The following LGR6 variants were observed in gnomAD, a reference collection of about 807,000 sequenced individuals.
The protein encoded by LGR6 is leucine-rich repeat-containing G protein-coupled receptor 6.
LGR6 carries 45 observed loss-of-function variants against 69.4 expected under a neutral mutation model. That is an observed-to-expected ratio of 0.65 (90% CI 0.51 to 0.83). LGR6 has a LOEUF of 0.83. LGR6 is among the 40% of genes least tolerant of loss of function. The pLI is 0.00. For missense variants in LGR6, 1,108 were observed against 1,246.7 expected, an observed-to-expected ratio of 0.89 and a Z score of 1.68; for synonymous variants, 538 against 555.0, an observed-to-expected ratio of 0.97 and a Z score of 0.43.
intron 4 of LGR6, among the ~76,000 whole-genome samples, chr1:202,263,195 G>A (rs769860222): frequency 1.4e-4 from 22 of 151,778 alleles, no homozygotes; most frequent in Non-Finnish European, 2.8e-4. Flanking sequence ...CGATCTTGGC[G>A]CACTGCAACC....
chr1:202,298,622 A>C (rs1667348334), intron 7 of LGR6: 1 of 152,138 alleles, frequency 6.6e-6, no homozygotes, highest in Non-Finnish European at 1.5e-5. Flanking sequence ...CACAGGTTCA[A>C]GCGATTCTCC....
chr1:202,299,453 C>G (rs900819602), intron 7 of LGR6, among the ~76,000 whole-genome samples: 1 of 151,846 alleles, frequency 6.6e-6, no homozygotes, highest in Admixed American at 6.6e-5. Context: ...TAGGGAAGAG[C>G]GAGGAGACCT....
intron 2 of LGR6, 127 bp downstream of exon 2, chr1:202,225,621 C>T (rs1660485933): frequency 1.4e-6 from 1 of 736,916 alleles, no homozygotes; most frequent in Admixed American, 2.6e-5. Flanking sequence ...CAGTTCTTGA[C>T]AGCAGGGTGT....
At chr1:202,214,296 G>A in intron 1 of LGR6, 10 of 1,461,462 alleles carry the variant, frequency 6.8e-6, no homozygotes, top group Non-Finnish European at 9.1e-6. Context: ...CCGCAGCCCT[G>A]GGGAGCAGGA....
intron 6 of LGR6, among the ~76,000 whole-genome samples, chr1:202,282,448 AGCCTGCTATGT>A (rs1666083386): frequency 6.6e-6 from 1 of 152,144 alleles, no homozygotes; most frequent in Non-Finnish European, 1.5e-5. Flanking sequence ...GAACTGTGTG[AGCCTGCTATGT>A]GCCAGCTGTT....
chr1:202,297,283 C>T (rs187646070), intron 6 of LGR6, among the ~76,000 whole-genome samples: 5 of 152,204 alleles, frequency 3.3e-5, no homozygotes, highest in Admixed American at 2.6e-4. Context: ...ATGTCTCCCC[C>T]CTCAGAACAG....
chr1:202,205,048 CTCCAAACACACACACA>C, intron 1 of LGR6, among the ~76,000 whole-genome samples: 1 of 111,670 alleles, frequency 9.0e-6, no homozygotes, highest in African/African-American at 3.5e-5. Context: ...ACACACACAC[CTCCAAACACACACACA>C]CCTAACACAC....
At chr1:202,316,599 T>G (rs77906886) in intron 17 of LGR6, among the ~76,000 whole-genome samples, 15,459 of 152,250 alleles carry the variant, frequency 0.1, 879 homozygotes, top group Middle Eastern at 0.13. Flanking sequence ...TATGTATGTA[T>G]GTATTTTTTA....
chr1:202,280,926 A>G (rs1665953389), intron 6 of LGR6, 74 bp downstream of exon 6: 2 of 1,383,874 alleles, frequency 1.4e-6, no homozygotes, highest in Non-Finnish European at 2.0e-6. Context: ...TGGAGGGAGC[A>G]CACAGAGGGA....
chr1:202,270,382 A>G (rs1664994703), intron 4 of LGR6, among the ~76,000 whole-genome samples: 1 of 152,240 alleles, frequency 6.6e-6, no homozygotes, highest in South Asian at 2.1e-4. Flanking sequence ...AGCTGGGATT[A>G]TAGGCGTGTG....
intron 4 of LGR6, among the ~76,000 whole-genome samples, chr1:202,256,893 A>G (rs1352383943): frequency 2.0e-5 from 3 of 152,068 alleles, no homozygotes; most frequent in Non-Finnish European, 4.4e-5. Flanking sequence ...TGTCTTTTTG[A>G]TTATAGCCAT....
intron 6 of LGR6, among the ~76,000 whole-genome samples, chr1:202,288,553 C>G (rs111818933): frequency 6.6e-6 from 1 of 152,114 alleles, no homozygotes; most frequent in Admixed American, 6.5e-5. Flanking sequence ...GGCATTGGAC[C>G]GTCTAACATC....
intron 6 of LGR6, among the ~76,000 whole-genome samples, chr1:202,284,785 T>G (rs1571963557): frequency 6.6e-6 from 1 of 152,188 alleles, no homozygotes; most frequent in East Asian, 1.9e-4. Flanking sequence ...GCTCTAGATC[T>G]GGGAACTTGA....
At chr1:202,204,942 G>A (rs767453713) in intron 1 of LGR6, among the ~76,000 whole-genome samples, 252 of 1,392 alleles carry the variant, frequency 0.18, 53 homozygotes, top group South Asian at 0.33. Flanking sequence ...CCTCCTTCAA[G>A]CACACACACG....
intron 1 of LGR6, chr1:202,196,954 G>A (rs2147884441): frequency 2.0e-6 from 1 of 509,286 alleles, no homozygotes. Context: ...GATCGGGAGG[G>A]AGAGTGGGGA....
intron 3 of LGR6, 26 bp downstream of exon 3, chr1:202,228,033 C>T (rs3795598): frequency 0.37 from 571,718 of 1,533,742 alleles, 111,262 homozygotes; most frequent in Non-Finnish European, 0.41. Context: ...CCTCATTTTA[C>T]ATAGAGCTGC....
intron 4 of LGR6, among the ~76,000 whole-genome samples, chr1:202,238,162 T>C (rs1391952033): frequency 6.6e-6 from 1 of 152,054 alleles, no homozygotes; most frequent in African/African-American, 2.4e-5. Flanking sequence ...AGTGACCTGA[T>C]CGCAACTCAC....
chr1:202,197,119 G>A (rs1416931118), intron 1 of LGR6: 5 of 531,220 alleles, frequency 9.4e-6, no homozygotes, highest in Admixed American at 2.0e-5. Context: ...GAAGGTACCC[G>A]CAAGTCCTCT....
intron 7 of LGR6, among the ~76,000 whole-genome samples, chr1:202,297,979 GAGA>G (rs1397425046): frequency 2.9e-4 from 44 of 152,348 alleles, no homozygotes; most frequent in African/African-American, 9.9e-4. Flanking sequence ...CAGGGGTACT[GAGA>G]AGTTGTCTCT....
Sources: gnomAD v4.1 joint callset for allele counts (sites outside exome capture counted in the v4.1 genomes callset) on GRCh38, gnomAD v4.1.1 for gene constraint, MANE v1.5 for transcripts, NCBI Gene and HGNC (gene_info 2026-07-23, HGNC 2026-07-21) for gene names.